MUC5B: variants seen among roughly 807,000 people sequenced by gnomAD.
MUC5B encodes mucin 5B, oligomeric mucus/gel-forming.
A neutral mutation model predicts 376.9 loss-of-function variants in MUC5B; 116 were observed. That is an observed-to-expected ratio of 0.31 (90% CI 0.26 to 0.36). The LOEUF is 0.36. MUC5B is among the 10% of genes least tolerant of loss of function. The probability of loss-of-function intolerance (pLI) is 1.00; values close to 1 mark genes in which losing one functional copy is unlikely to be tolerated. For synonymous variants in MUC5B, 3,517 were observed against 3,390.9 expected, an observed-to-expected ratio of 1.04 and a Z score of -1.29; for missense variants, 7,165 against 7,769.9, an observed-to-expected ratio of 0.92 and a Z score of 2.93.
chr11:1,247,520 A>T lies in MUC5B; in HGVS notation c.10640A>T (p.Lys3547Met). The change falls in exon 31 of 49, where the codon AAG becomes ATG. Residue 3547 changes from lysine (K) to methionine (M), a missense_variant. Around this residue, in one of 31 missense-constraint regions of MUC5B, gnomAD observed 939 missense variants for 770.6 expected, o/e 1.22. Coordinates refer to ENST00000529681, the MANE Select transcript of MUC5B (RefSeq NM_002458.3). ...SRTTATATPS[K>M]TRTSTLLPSS... The stretch of plus-strand genomic sequence containing the variant: ...ACCACAGCCACAGCCACACCCAGCA[A>T]GACCCGCACCTCGACCCTGCTGCCC... The T allele has an allele frequency of 6.2e-7, 1 of 1,609,738 alleles. No individual in the cohort carries two copies. Among genetic ancestry groups the T allele is most frequent in the Non-Finnish European group, 8.5e-7 (1 of 1,178,604 alleles).
intron 1 of MUC5B, among the ~76,000 whole-genome samples, chr11:1,224,813 C>T (rs907309089): frequency 6.6e-5 from 10 of 152,126 alleles, no homozygotes; most frequent in African/African-American, 1.9e-4. Flanking sequence ...GGCCAGAGTG[C>T]GAACCACAGG....
chr11:1,230,352 G>A, intron 11 of MUC5B, 138 bp from the exon 12 acceptor site: 1 of 1,084,344 alleles, frequency 9.2e-7, no homozygotes, highest in South Asian at 1.6e-5. Flanking sequence ...GAGACAAGCT[G>A]CTGGGAGGTG....
chr11:1,223,521 C>T (rs1861806651), intron 1 of MUC5B: 2 of 430,608 alleles, frequency 4.6e-6, no homozygotes, highest in Non-Finnish European at 8.8e-6. Context: ...GGGGTCACAG[C>T]TGGGGGTCTC....
chr11:1,230,666 GC>G, intron 12 of MUC5B, 66 bp downstream of exon 12: 1 of 1,407,576 alleles, frequency 7.1e-7, no homozygotes. Flanking sequence ...TGGGGAGCAA[GC>G]ACGGTCAGGT....
At position 1,237,166 on chromosome 11, in the gene MUC5B, T is replaced by G; in HGVS notation, c.3297+2T>G. On this transcript the variant is annotated splice_donor_variant, in intron 25 of 48. Transcript: ENST00000529681. LOFTEE classifies it high-confidence loss of function. ...ACCTTCGCCGCCTGCCGCTCCCAGG[T>G]GGGGCTCTGGTCTTGGCAGGCAGGG... The G allele has an allele frequency of 7.0e-7, 1 of 1,429,490 alleles. No homozygotes were observed. Among genetic ancestry groups the G allele is most frequent in the Non-Finnish European group, 9.2e-7 (1 of 1,087,448 alleles). 88.6% of individuals were successfully genotyped at this position (1,429,490 alleles called of 1,614,324 possible).
rs561368471 is a variant in MUC5B at position 1,260,718 on chromosome 11, G to A, written c.17059G>A (p.Gly5687Arg). ...NITFCEGSCPGASKYSAEAQA... is the reference protein window; with the variant it reads ...NITFCEGSCPRASKYSAEAQA... ...CACCTTCTGCGAGGGCTCCTGCCCCGGAGCGTCCAAGTGAGTGGGCTCCTG... is the reference window on the plus strand; with the variant it reads ...CACCTTCTGCGAGGGCTCCTGCCCCAGAGCGTCCAAGTGAGTGGGCTCCTG... Residue 5687 changes from glycine (G) to arginine (R), a missense_variant, in exon 48 of 49, where the codon GGA becomes AGA. This residue lies in a region of MUC5B where 842 missense variants were observed against 1,016.9 expected (regional missense o/e 0.83). Transcript: ENST00000529681. 1.9e-5 allele frequency: 31 copies of A among 1,609,766 alleles called. No individual in the cohort carries two copies. Among genetic ancestry groups the A allele is most frequent in the East Asian group, 1.3e-4 (6 of 44,776 alleles).
At position 1,253,091 on chromosome 11, in the gene MUC5B, AATGGTGGGGC is replaced by A. The variant is rs199758798; in HGVS notation, c.15217+131_15217+140del. On this transcript the variant is annotated intron_variant, in intron 33 of 48. Coordinates refer to ENST00000529681, the MANE Select transcript of MUC5B (RefSeq NM_002458.3). This position sits in a 1 kb window ranked among gnomAD's most constrained non-coding sequence, Gnocchi z 4.3. Reference sequence around the variant, plus strand: ...TGGGGCACAGTGGGGTGCAGTGGGGAATGGTGGGGCATGGTGGGGCATGGTGGGGTGCAGT... The same window carrying A: ...TGGGGCACAGTGGGGTGCAGTGGGGAATGGTGGGGCATGGTGGGGTGCAGT... 13,064 of 1,113,822 alleles carry A rather than the reference AATGGTGGGGC, an allele frequency of 0.012. 290 individuals are homozygous for A. Among genetic ancestry groups the A allele is most frequent in the Non-Finnish European group, 0.012 (9,222 of 791,676 alleles). The allele number at this position is 1,113,822 out of a possible 1,614,324, so 69.0% of individuals were successfully genotyped here. A position where few individuals can be genotyped will look rare whatever the true frequency, so the allele number is the denominator to read the frequency against.
intron 1 of MUC5B, chr11:1,223,466 AG>A: frequency 2.3e-6 from 1 of 437,256 alleles, no homozygotes; most frequent in Non-Finnish European, 4.4e-6. Flanking sequence ...GACCACCGAA[AG>A]GGTCTTGGTC....
At chr11:1,256,811 C>A (rs370788928) in intron 39 of MUC5B, 40 bp downstream of exon 39, 6 of 1,468,194 alleles carry the variant, frequency 4.1e-6, no homozygotes, top group African/African-American at 1.4e-5. Flanking sequence ...ACCCTGGGCC[C>A]GACCCAAGCA....
chr11:1,242,326 G>T lies in MUC5B; in HGVS notation c.5446G>T (p.Ala1816Ser), dbSNP rs747419523. ...CATGGAAACTTTTGAAAACATCAGG[G>T]CTGCTGGGGGCAAGATGTGCTGGGC... is the stretch of plus-strand genomic sequence containing the variant. ...GDMETFENIRAAGGKMCWAPK... is the reference protein window; with the variant it reads ...GDMETFENIRSAGGKMCWAPK... Residue 1816 changes from alanine to serine, a missense_variant, in exon 31 of 49, where the codon GCT becomes TCT. Ala to Ser is a moderately conservative substitution (Grantham distance 99, BLOSUM62 1). Transcript: ENST00000529681. 5 of 1,613,884 alleles carry T rather than the reference G, an allele frequency of 3.1e-6. No homozygotes were observed. The African/African-American group carries it at 4.0e-5, about 13-fold the overall frequency.
rs940847832 is a variant in MUC5B, at chr11:1,253,635, G to A, written c.15218-457G>A. On this transcript the variant is annotated intron_variant, in intron 33 of 48. Transcript: ENST00000529681. This position sits in a 1 kb window ranked among gnomAD's most constrained non-coding sequence, Gnocchi z 4.3. ...GCGGGCAGGGGATAGACTCCCTGCT[G>A]AGGGTCTGGGGAGGTCCTTCCTGCC... 6.6e-6 allele frequency among the ~76,000 whole-genome samples: 1 copy of A among 152,176 alleles called. No homozygotes were observed. Among genetic ancestry groups the A allele is most frequent in the Non-Finnish European group, 1.5e-5 (1 of 68,024 alleles).
At chr11:1,256,803 C>T in intron 39 of MUC5B, 32 bp downstream of exon 39, 2 of 1,491,068 alleles carry the variant, frequency 1.3e-6, no homozygotes, top group Non-Finnish European at 9.0e-7. Flanking sequence ...GGGATACGAC[C>T]CTGGGCCCGA....
chr11:1,259,196 G>A (rs1862934586), intron 44 of MUC5B, 135 bp downstream of exon 44: 1 of 876,424 alleles, frequency 1.1e-6, no homozygotes, highest in African/African-American at 1.8e-5. Flanking sequence ...GCCCCCAGGT[G>A]AGTCCCTGAG....
chr11:1,249,870 C>A lies in MUC5B; in HGVS notation c.12990C>A (p.Thr4330=). 1.9e-6 allele frequency: 3 copies of A among 1,613,608 alleles called. No individual in the cohort carries two copies. The highest frequency in any genetic ancestry group is 2.5e-6 in the Non-Finnish European group (3 of 1,179,784). Residue 4330 remains threonine, a synonymous_variant, in exon 31 of 49, where the codon ACC becomes ACA. Coordinates refer to ENST00000529681, the MANE Select transcript of MUC5B (RefSeq NM_002458.3). The part of the protein sequence containing the change: ...ATSVTPIPSS[T]LGTTGTLPEQ... The stretch of plus-strand genomic sequence containing the variant: ...GCGTTACACCCATCCCCTCCTCCAC[C>A]CTTGGGACCACCGGGACCCTCCCAG...
At chr11:1,254,595 G>A (rs1323834814) in intron 34 of MUC5B, 99 bp from the exon 35 acceptor site, 43 of 1,314,848 alleles carry the variant, frequency 3.3e-5, no homozygotes, top group South Asian at 1.2e-4. Flanking sequence ...ATACACAGGG[G>A]GGTCTCTGCA....
At chr11:1,261,287 G>A (rs569804876) in intron 48 of MUC5B, 102 bp from the exon 49 acceptor site, 51 of 1,024,870 alleles carry the variant, frequency 5.0e-5, no homozygotes, top group Non-Finnish European at 6.7e-5. Context: ...AGAAGGGGGC[G>A]GCCGTCTGGC....
At chr11:1,239,716 C>T (rs1308843596) in intron 27 of MUC5B, 83 bp from the exon 28 acceptor site, 13 of 1,497,852 alleles carry the variant, frequency 8.7e-6, no homozygotes, top group Admixed American at 4.4e-5. Context: ...TGGTGGGGGG[C>T]GGCTACTCCC....
At chr11:1,232,190 C>A (rs899505917) in intron 15 of MUC5B, 30 bp downstream of exon 15, 8 of 1,557,728 alleles carry the variant, frequency 5.1e-6, no homozygotes, top group Non-Finnish European at 6.1e-6. Context: ...CCACAGTCAC[C>A]CCAGGCTCAA....
intron 17 of MUC5B, 65 bp downstream of exon 17, chr11:1,232,835 G>A (rs983877142): frequency 2.7e-6 from 4 of 1,505,844 alleles, no homozygotes; most frequent in African/African-American, 1.4e-5. Context: ...ACCCTGGCCG[G>A]CAGCAGCCGT....
Sources: allele counts gnomAD v4.1 joint callset (sites outside exome capture counted in the v4.1 genomes callset), GRCh38; gene constraint gnomAD v4.1.1; regional missense constraint gnomAD v4.1.1; non-coding constraint Gnocchi (gnomAD v3.1); transcripts MANE v1.5; gene names NCBI Gene and HGNC (gene_info 2026-07-23, HGNC 2026-07-21).